The following LRMDA variants were observed in gnomAD, a reference collection of about 807,000 sequenced individuals.
The protein encoded by LRMDA is leucine rich melanocyte differentiation associated.
LRMDA carries 18 observed loss-of-function variants against 29.8 expected under a neutral mutation model. That is an observed-to-expected ratio of 0.60 (90% CI 0.42 to 0.90). The LOEUF (loss-of-function observed/expected upper bound fraction) is 0.90. Among genes scored for constraint, LRMDA ranks in the 40% least tolerant of loss-of-function variants. LRMDA has a pLI of 0.00. For missense variants in LRMDA, 273 were observed against 273.9 expected (o/e 1.00, Z 0.02); for synonymous variants, 125 against 109.4 (o/e 1.14, Z -0.89).
intron 6 of LRMDA, among the ~76,000 whole-genome samples, chr10:76,458,913 C>A (rs937386600): frequency 6.6e-6 from 1 of 152,150 alleles, no homozygotes; most frequent in Non-Finnish European, 1.5e-5. Flanking sequence ...CAGTCTGAGA[C>A]TTTGCAACCT....
At chr10:75,757,885 C>T (rs1272867696) in intron 2 of LRMDA, among the ~76,000 whole-genome samples, 2 of 151,622 alleles carry the variant, frequency 1.3e-5, no homozygotes, top group African/African-American at 4.9e-5. Context: ...CTGCAACCTC[C>T]ACCTCCTGGG....
chr10:76,179,250 G>A (rs1850997762), intron 5 of LRMDA, among the ~76,000 whole-genome samples: 1 of 151,964 alleles, frequency 6.6e-6, no homozygotes, highest in African/African-American at 2.4e-5. Flanking sequence ...GGGGGGTGGT[G>A]GAGGAGTAGA....
chr10:75,614,588 C>T (rs1006246671), intron 2 of LRMDA, among the ~76,000 whole-genome samples: 5 of 152,276 alleles, frequency 3.3e-5, no homozygotes, highest in African/African-American at 1.2e-4. Context: ...CTCCTCTATC[C>T]CAGCCCAACT....
intron 6 of LRMDA, among the ~76,000 whole-genome samples, chr10:76,345,140 C>A (rs1185053023): frequency 3.6e-5 from 5 of 140,210 alleles, no homozygotes; most frequent in Non-Finnish European, 6.0e-5. Context: ...GATCTCGGCT[C>A]GCTGCAAGCT....
intron 2 of LRMDA, among the ~76,000 whole-genome samples, chr10:75,469,558 C>G (rs570268488): frequency 6.7e-6 from 1 of 148,698 alleles, no homozygotes; most frequent in Admixed American, 6.7e-5. Context: ...AAGTGTTGCA[C>G]TGGCTGCCCA....
chr10:76,051,375 A>G (rs1223370518), intron 4 of LRMDA, among the ~76,000 whole-genome samples: 1 of 152,214 alleles, frequency 6.6e-6, no homozygotes, highest in African/African-American at 2.4e-5. Context: ...GAGACTTCAA[A>G]CATGCTGCCG....
In LRMDA at chr10:76,496,589, T is replaced by A. The variant is rs1363164529; in HGVS notation, c.602-60620T>A. Among the ~76,000 whole-genome samples, 6 of 75,552 alleles carry A rather than the reference T, an allele frequency of 7.9e-5. 3 individuals are homozygous for A. Among genetic ancestry groups the A allele is most frequent in the Non-Finnish European group, 2.6e-4 (6 of 22,722 alleles). The allele number at this position is 75,552 out of a possible 152,430, so 49.6% of individuals were successfully genotyped here. ...GTTTATCTGGTTGGAATTGAAAGTA[T>A]CATAAAACTCTATGTTGACTCAGTG... is the stretch of plus-strand genomic sequence containing the variant. On this transcript the variant is annotated intron_variant, in intron 6 of 6. Coordinates refer to ENST00000611255, the MANE Select transcript of LRMDA (RefSeq NM_001305581.2).
intron 5 of LRMDA, among the ~76,000 whole-genome samples, chr10:76,132,896 A>G (rs1850020305): frequency 6.8e-6 from 1 of 147,942 alleles, no homozygotes; most frequent in African/African-American, 2.5e-5. Flanking sequence ...TCCGCCTCCC[A>G]GGTTCACGCC....
intron 6 of LRMDA, among the ~76,000 whole-genome samples, chr10:76,490,916 G>A (rs1311036234): frequency 2.6e-5 from 4 of 151,658 alleles, no homozygotes; most frequent in Non-Finnish European, 4.4e-5. Context: ...TTAACGTCTT[G>A]CTTTGTTTTT....
intron 5 of LRMDA, among the ~76,000 whole-genome samples, chr10:76,078,037 G>C (rs552698191): frequency 2.1e-5 from 2 of 96,982 alleles, no homozygotes; most frequent in South Asian, 7.8e-4. Context: ...TTGAGATGGA[G>C]TCTCGCTCTG....
At chr10:76,510,714 G>A (rs895857710) in intron 6 of LRMDA, among the ~76,000 whole-genome samples, 2 of 152,132 alleles carry the variant, frequency 1.3e-5, no homozygotes, top group African/African-American at 2.4e-5. Context: ...TAGATGCCTC[G>A]TGATCGCTGT....
At chr10:75,695,717 C>G (rs1244774120) in intron 2 of LRMDA, among the ~76,000 whole-genome samples, 1 of 152,194 alleles carries the variant, frequency 6.6e-6, no homozygotes, top group African/African-American at 2.4e-5. Flanking sequence ...TTACCCATAA[C>G]TAGCAGTTTC....
intron 2 of LRMDA, among the ~76,000 whole-genome samples, chr10:75,491,572 A>G (rs1844987777): frequency 6.6e-6 from 1 of 152,200 alleles, no homozygotes; most frequent in African/African-American, 2.4e-5. Context: ...TCCCATAAAG[A>G]AAATCACAAG....
intron 2 of LRMDA, among the ~76,000 whole-genome samples, chr10:75,711,997 A>G (rs1021318747): frequency 2.6e-5 from 4 of 151,984 alleles, no homozygotes; most frequent in Admixed American, 6.6e-5. Flanking sequence ...TTCCATCCTT[A>G]GCTGGCGATG....
chr10:75,693,047 G>A (rs577980421), intron 2 of LRMDA, among the ~76,000 whole-genome samples: 2 of 152,234 alleles, frequency 1.3e-5, no homozygotes, highest in East Asian at 1.9e-4. Flanking sequence ...GAAATGCCGC[G>A]AACAGCCATT....
At chr10:75,607,143 C>T (rs1281506636) in intron 2 of LRMDA, among the ~76,000 whole-genome samples, 1 of 152,130 alleles carries the variant, frequency 6.6e-6, no homozygotes, top group Non-Finnish European at 1.5e-5. Context: ...GTTAAAAATA[C>T]TTGGCATTTT....
intron 2 of LRMDA, among the ~76,000 whole-genome samples, chr10:75,981,832 C>A (rs1026843515): frequency 1.6e-5 from 2 of 123,306 alleles, no homozygotes; most frequent in South Asian, 2.9e-4. Context: ...GGCCTGGCGA[C>A]AGAGCAAGAC....
rs922769189 is a variant in LRMDA, at chr10:76,257,962, G to C, written c.517-66439G>C. Among the ~76,000 whole-genome samples, 6 of 152,244 alleles carry C rather than the reference G, an allele frequency of 3.9e-5. No individual in the cohort carries two copies. In the East Asian group the frequency reaches 5.8e-4, roughly 15 times the overall value. On this transcript the variant is annotated intron_variant, in intron 5 of 6. Transcript: ENST00000611255. Reference sequence around the variant, plus strand: ...GGGCATGTTACCTGGTGGGAGAAAGGTTCCCTTAACAGGAGAAGGAAAACT... The same window carrying C: ...GGGCATGTTACCTGGTGGGAGAAAGCTTCCCTTAACAGGAGAAGGAAAACT...
intron 2 of LRMDA, among the ~76,000 whole-genome samples, chr10:75,626,156 C>T (rs1841247179): frequency 6.6e-6 from 1 of 152,018 alleles, no homozygotes; most frequent in Non-Finnish European, 1.5e-5. Context: ...GCCACCACAC[C>T]CGGCCAAGAG....
Sources: allele counts gnomAD v4.1 joint callset (sites outside exome capture counted in the v4.1 genomes callset), GRCh38; gene constraint gnomAD v4.1.1; transcripts MANE v1.5; gene names NCBI Gene and HGNC (gene_info 2026-07-23, HGNC 2026-07-21).